SHROOM3: variants seen among roughly 807,000 people sequenced by gnomAD.
SHROOM3 encodes protein Shroom3.
Under a neutral mutation model 138.6 loss-of-function variants are expected in SHROOM3, and 47 were observed. The ratio of observed to expected loss-of-function variants is 0.34; its 90% CI spans 0.27 to 0.43. The LOEUF (loss-of-function observed/expected upper bound fraction) is 0.43, where lower values mean the gene tolerates loss of function less well. SHROOM3 is among the 20% of genes least tolerant of loss of function. SHROOM3 has a pLI of 1.00. For synonymous variants in SHROOM3, 1,062 were observed against 1,063.3 expected, an observed-to-expected ratio of 1.00 and a Z score of 0.02; for missense variants, 2,491 against 2,596.5, an observed-to-expected ratio of 0.96 and a Z score of 0.88.
chr4:76,578,445 T>G (rs1420645390), intron 2 of SHROOM3, among the ~76,000 whole-genome samples: 1 of 152,230 alleles, frequency 6.6e-6, no homozygotes, highest in Non-Finnish European at 1.5e-5. Flanking sequence ...AAAGCAGTAA[T>G]CACCAGAGCT....
At chr4:76,774,237 G>A (rs1420714711) in intron 10 of SHROOM3, among the ~76,000 whole-genome samples, 3 of 152,202 alleles carry the variant, frequency 2.0e-5, no homozygotes, top group Non-Finnish European at 4.4e-5. Context: ...GTTAGGGCAA[G>A]ATAAATTGTT....
At chr4:76,532,229 TG>T (rs981385235) in intron 1 of SHROOM3, 2 of 152,236 alleles carry the variant, frequency 1.3e-5, no homozygotes, top group Admixed American at 1.3e-4. Flanking sequence ...CCTAAAAATA[TG>T]GAACGCTTCA....
At chr4:76,530,426 A>C (rs1732806533) in intron 1 of SHROOM3, among the ~76,000 whole-genome samples, 1 of 152,194 alleles carries the variant, frequency 6.6e-6, no homozygotes, top group African/African-American at 2.4e-5. Context: ...GCCATGTCAC[A>C]GCCACAGCTT....
Position 76,576,499 on chromosome 4 carries a change from G to A in SHROOM3, c.323+20736G>A, listed in dbSNP as rs567619623. ...GAGTAGAAGGATGGTTACAGAGGCT[G>A]GGAAGGGTAGTAGGAGGCTGGTGGG... On this transcript the variant is annotated intron_variant, in intron 2 of 10. Coordinates refer to ENST00000296043, the MANE Select transcript of SHROOM3 (RefSeq NM_020859.4). Among the ~76,000 whole-genome samples the A allele has an allele frequency of 2.2e-4, 34 of 152,294 alleles. No homozygotes were observed. The South Asian group carries it at 7.1e-3, about 32-fold the overall frequency.
chr4:76,747,861 C>A (rs1032170183), intron 5 of SHROOM3, among the ~76,000 whole-genome samples: 4 of 152,282 alleles, frequency 2.6e-5, no homozygotes, highest in Non-Finnish European at 5.9e-5. Context: ...GATTCCATGG[C>A]AAGACCTTGG....
chr4:76,628,666 C>T (rs1477874877), intron 2 of SHROOM3, among the ~76,000 whole-genome samples: 5 of 152,018 alleles, frequency 3.3e-5, no homozygotes, highest in African/African-American at 1.2e-4. Flanking sequence ...AAATGTTAAA[C>T]ATAACTATTT....
At chr4:76,622,892 C>T (rs1187778546) in intron 2 of SHROOM3, among the ~76,000 whole-genome samples, 2 of 152,068 alleles carry the variant, frequency 1.3e-5, no homozygotes, top group East Asian at 3.9e-4. Context: ...GCCAGGTGAT[C>T]TTATCTCTTT....
In SHROOM3 at chr4:76,574,296, C is replaced by T. The variant is rs984222112; in HGVS notation, c.323+18533C>T. Among the ~76,000 whole-genome samples, 3 of 152,138 alleles carry T rather than the reference C, an allele frequency of 2.0e-5. No homozygotes were observed. In the South Asian group the frequency reaches 6.2e-4, roughly 32 times the overall value. On this transcript the variant is annotated intron_variant, in intron 2 of 10. Transcript: ENST00000296043. ...GGCAATTAGAATCCTCTAGGCCTCA[C>T]CCTGGATAGGTTACAATGGTTGTCA... is the stretch of plus-strand genomic sequence containing the variant.
At chr4:76,661,484 C>T (rs1197094233) in intron 2 of SHROOM3, among the ~76,000 whole-genome samples, 1 of 152,036 alleles carries the variant, frequency 6.6e-6, no homozygotes, top group Non-Finnish European at 1.5e-5. Context: ...CCCACCTCGG[C>T]CTCCCAAAGC....
rs201355998 is a variant in SHROOM3, at chr4:76,740,785, C to G, written c.2612C>G (p.Ala871Gly). 6.2e-7 allele frequency: 1 copy of G among 1,611,286 alleles called. No individual in the cohort carries two copies. The highest frequency in any genetic ancestry group is 1.7e-5 in the Admixed American group (1 of 59,984). Reference protein sequence around the residue: ...QPCGQQLSGGASDSGRGPQRP... With the variant: ...QPCGQQLSGGGSDSGRGPQRP... ...TGCGGTCAGCAGCTGAGCGGAGGAG[C>G]GTCGGACAGCGGCCGTGGCCCCCAG... The change falls in exon 5 of 11, where the codon GCG becomes GGG. Residue 871 changes from alanine (A) to glycine (G), a missense_variant. Transcript: ENST00000296043. This position sits in a 1 kb window ranked among gnomAD's most constrained non-coding sequence, Gnocchi z 4.0.
chr4:76,753,540 A>G (rs1403658880), intron 6 of SHROOM3, among the ~76,000 whole-genome samples: 1 of 152,182 alleles, frequency 6.6e-6, no homozygotes, highest in Non-Finnish European at 1.5e-5. Flanking sequence ...TCCTCACATT[A>G]ACTCTTGCAT....
At chr4:76,572,859 T>A (rs948729151) in intron 2 of SHROOM3, among the ~76,000 whole-genome samples, 3 of 152,084 alleles carry the variant, frequency 2.0e-5, no homozygotes, top group African/African-American at 7.2e-5. Flanking sequence ...AGCAGGTGGA[T>A]CACTTGAGGT....
At chr4:76,693,820 CTTTTTT>C (rs71212443) in intron 2 of SHROOM3, among the ~76,000 whole-genome samples, 140 of 141,592 alleles carry the variant, frequency 9.9e-4, no homozygotes, top group African/African-American at 1.9e-3. Context: ...AGGCAAACTC[CTTTTTT>C]TTTTTTTTTT....
chr4:76,587,483 C>T (rs567966149), intron 2 of SHROOM3, among the ~76,000 whole-genome samples: 4 of 152,242 alleles, frequency 2.6e-5, no homozygotes, highest in South Asian at 4.2e-4. Context: ...TACCCATTCT[C>T]AATGATTCTG....
chr4:76,666,077 A>G (rs1003373342), intron 2 of SHROOM3, among the ~76,000 whole-genome samples: 1 of 152,264 alleles, frequency 6.6e-6, no homozygotes, highest in Non-Finnish European at 1.5e-5. Flanking sequence ...TGGGAAAAAA[A>G]GAAAATTTTA....
intron 2 of SHROOM3, among the ~76,000 whole-genome samples, chr4:76,709,185 A>T (rs1720153914): frequency 6.6e-6 from 1 of 152,224 alleles, no homozygotes; most frequent in Non-Finnish European, 1.5e-5. Context: ...GCTGTTCAGT[A>T]ATCCCTTCCC....
At chr4:76,718,000 A>G (rs1720424143) in intron 3 of SHROOM3, among the ~76,000 whole-genome samples, 1 of 152,222 alleles carries the variant, frequency 6.6e-6, no homozygotes, top group South Asian at 2.1e-4. Context: ...TTGCTTCTAT[A>G]GATGCCTTTA....
intron 2 of SHROOM3, among the ~76,000 whole-genome samples, chr4:76,638,390 CAA>C (rs147441383): frequency 6.7e-6 from 1 of 148,370 alleles, no homozygotes. Context: ...CCTGTTTCAA[CAA>C]AAAAAAAATC....
At chr4:76,661,434 G>T (rs1173156444) in intron 2 of SHROOM3, among the ~76,000 whole-genome samples, 2 of 152,002 alleles carry the variant, frequency 1.3e-5, no homozygotes, top group Admixed American at 1.3e-4. Flanking sequence ...GTTTCACCAC[G>T]TTAGCCAGGA....
Sources: gnomAD v4.1 joint callset for allele counts (sites outside exome capture counted in the v4.1 genomes callset) on GRCh38, gnomAD v4.1.1 for gene constraint, Gnocchi (gnomAD v3.1) non-coding constraint, MANE v1.5 for transcripts, NCBI Gene and HGNC (gene_info 2026-07-23, HGNC 2026-07-21) for gene names.